Variants in ZACN observed in about 807,000 individuals in gnomAD.
ZACN encodes zinc activated ion channel.
In ZACN, 52 loss-of-function variants were observed where a neutral mutation model predicts 38.9. The observed-to-expected ratio is 1.34, with a 90% CI of 1.07 to 1.68. The LOEUF (loss-of-function observed/expected upper bound fraction) is 1.68, where lower values mean the gene tolerates loss of function less well. Among genes scored for constraint, ZACN ranks in the 40% most tolerant of loss-of-function variants. ZACN has a pLI of 0.00. For missense variants in ZACN, 559 were observed against 525.6 expected (o/e 1.06, Z -0.62); for synonymous variants, 235 against 227.4 (o/e 1.03, Z -0.30).
intron 5 of ZACN, 29 bp from the exon 6 acceptor site, chr17:76,081,249 G>C (rs1272758693): frequency 1.9e-6 from 3 of 1,611,968 alleles, no homozygotes; most frequent in African/African-American, 2.7e-5. Flanking sequence ...TCTCCTTCCT[G>C]GTTCATAGTT....
At chr17:76,080,844 T>A in intron 5 of ZACN, 1 of 471,768 alleles carries the variant, frequency 2.1e-6, no homozygotes. Context: ...GCCTCACTCC[T>A]GGAAACCACC....
chr17:76,081,034 A>C, intron 5 of ZACN: 1 of 482,068 alleles, frequency 2.1e-6, no homozygotes. Context: ...TGCAAAGTAC[A>C]TTTATTTTTA....
chr17:76,079,432 C>T lies in ZACN; in HGVS notation c.98-7C>T, dbSNP rs2066916657. 2 of 1,614,162 alleles carry T rather than the reference C, an allele frequency of 1.2e-6. No individual in the cohort carries two copies. Among genetic ancestry groups the T allele is most frequent in the Middle Eastern group, 3.3e-4 (2 of 6,062 alleles). On this transcript the variant is annotated splice_region_variant and splice_polypyrimidine_tract_variant and intron_variant, in intron 1 of 8. Coordinates refer to ENST00000334586, the MANE Select transcript of ZACN (RefSeq NM_180990.4). Reference sequence around the variant, plus strand: ...GCACCTGAGTGACCTTGACTTTTCTCTCTCAGTCTGGCCATCCCTCTTCAA... The same window carrying T: ...GCACCTGAGTGACCTTGACTTTTCTTTCTCAGTCTGGCCATCCCTCTTCAA...
intron 7 of ZACN, 34 bp from the exon 8 acceptor site, chr17:76,081,848 C>T: frequency 6.2e-7 from 1 of 1,608,632 alleles, no homozygotes; most frequent in Non-Finnish European, 8.5e-7. Context: ...AGGGACTGGC[C>T]CCTGAGCATC....
chr17:76,081,483 C>CATGCCCCCG, intron 6 of ZACN, 62 bp from the exon 7 acceptor site: 3 of 1,610,228 alleles, frequency 1.9e-6, no homozygotes, highest in African/African-American at 1.3e-5. Context: ...GGCCAGGCCC[C>CATGCCCCCG]ATGCCCCCGA....
At position 76,082,593 on chromosome 17, in the gene ZACN, G is replaced by T; in HGVS notation, c.1179G>T (p.Ala393=). Residue 393 remains alanine, a synonymous_variant, in exon 9 of 9, where the codon GCG becomes GCT. Coordinates refer to ENST00000334586, the MANE Select transcript of ZACN (RefSeq NM_180990.4). ...TTGCAGGAATCTGGATGTGGGCAGC[G>T]TGCAAGTCTGACGCAGCCCCTGGAG... The part of the protein sequence containing the change: ...FVFAGIWMWA[A]CKSDAAPGEA... The T allele has an allele frequency of 6.2e-7, 1 of 1,613,598 alleles. No homozygotes were observed. Among genetic ancestry groups the T allele is most frequent in the Non-Finnish European group, 8.5e-7 (1 of 1,179,928 alleles).
In ZACN at chr17:76,080,295, G is replaced by A. The variant is rs1199828530; in HGVS notation, c.415G>A (p.Val139Ile). Residue 139 changes from valine (V) to isoleucine (I), a missense_variant, in exon 5 of 9, where the codon GTA becomes ATA. Val to Ile is a conservative substitution (Grantham distance 29, BLOSUM62 3). Coordinates refer to ENST00000334586, the MANE Select transcript of ZACN (RefSeq NM_180990.4). ...DWRDQSPQAR[V>I]DQDGHVKLNL... ...GAGGGACCAGAGCCCCCAGGCTCGA[G>A]TAGACCAGGACGGCCACGTGAAGCT... The A allele has an allele frequency of 1.9e-6, 3 of 1,613,900 alleles. No homozygotes were observed. The African/African-American group carries it at 4.0e-5, about 22-fold the overall frequency.
rs142424750 is a variant in ZACN, at chr17:76,081,905, C to T, written c.904C>T (p.Leu302=). Residue 302 remains leucine (L), a synonymous_variant, in exon 8 of 9, where the codon CTG becomes TTG. Coordinates refer to ENST00000334586, the MANE Select transcript of ZACN (RefSeq NM_180990.4). ...LLIYYFTILL[L]LLFLSTIETV... The stretch of plus-strand genomic sequence containing the variant: ...AGTTTACTACTTCACCATCCTGCTG[C>T]TGCTGCTCTTCCTCAGCACCATAGA... The T allele has an allele frequency of 1.9e-6, 3 of 1,610,960 alleles. No individual in the cohort carries two copies. The highest frequency in any genetic ancestry group is 2.7e-5 in the African/African-American group (2 of 74,838).
intron 3 of ZACN, 35 bp from the exon 4 acceptor site, chr17:76,079,853 G>A (rs1432544079): frequency 1.3e-6 from 2 of 1,590,568 alleles, no homozygotes; most frequent in Admixed American, 1.8e-5. Context: ...GATATGTGGA[G>A]AGCAGGAGCC....
chr17:76,081,332 G>C lies in ZACN; in HGVS notation c.599G>C (p.Arg200Thr), dbSNP rs1224611030. 10 of 1,614,032 alleles carry C rather than the reference G, an allele frequency of 6.2e-6. No homozygotes were observed. The highest frequency in any genetic ancestry group is 1.3e-5 in the African/African-American group (1 of 74,928). ...GTGAACGAGATTGTGAGTGTCAAGA[G>C]GGAATACGTAGTTTATGATCTGAAG... ...HVVNEIVSVK[R>T]EYVVYDLKTQ... Residue 200 changes from arginine (R) to threonine (T), a missense_variant, in exon 6 of 9, where the codon AGG becomes ACG. By Grantham distance (71) the Arg-to-Thr change is moderately conservative. Transcript: ENST00000334586.
rs2066927903 is a variant in ZACN, at chr17:76,080,254, G to A, written c.375-1G>A. 6.2e-7 allele frequency: 1 copy of A among 1,611,352 alleles called. No individual in the cohort carries two copies. The highest frequency in any genetic ancestry group is 1.3e-5 in the African/African-American group (1 of 74,898). ...TCTGGCTGTGGTGCCTTTCCCCACA[G>A]GCTCTGGGTGGACTGGAGGGACCAG... On this transcript the variant is annotated splice_acceptor_variant, in intron 4 of 8. Transcript: ENST00000334586. LOFTEE classifies it high-confidence loss of function.
Position 76,079,283 on chromosome 17 carries a change from C to G in ZACN, c.19C>G (p.Leu7Val), listed in dbSNP as rs777969986. The change falls in exon 1 of 9, where the codon CTG (leucine) becomes GTG (valine). Residue 7 changes from leucine to valine, a missense_variant. Transcript: ENST00000334586. The part of the protein sequence containing the change: MMALWS[L>V]LHLTFLGFSI... ...GCAGCCGATGATGGCCCTATGGTCC[C>G]TGCTCCATCTCACCTTCCTGGGGTT... The G allele has an allele frequency of 6.2e-6, 10 of 1,613,876 alleles. No individual in the cohort carries two copies. In the Admixed American group the frequency reaches 6.7e-5, roughly 11 times the overall value.
intron 5 of ZACN, chr17:76,080,688 A>G: frequency 1.6e-6 from 1 of 614,862 alleles, no homozygotes; most frequent in Non-Finnish European, 3.0e-6. Context: ...CTAGGGTGAC[A>G]GACTCAAACA....
chr17:76,082,368 A>G (rs1293065076), intron 8 of ZACN, 95 bp from the exon 9 acceptor site: 1 of 1,295,288 alleles, frequency 7.7e-7, no homozygotes, highest in Non-Finnish European at 1.1e-6. Flanking sequence ...CTAAGAAAGG[A>G]AGCGATACAG....
rs1177811163 is a variant in ZACN, at chr17:76,080,003, G to C, written c.374+9G>C. 4.5e-6 allele frequency: 7 copies of C among 1,563,968 alleles called. No individual in the cohort carries two copies. Among genetic ancestry groups the C allele is most frequent in the African/African-American group, 1.4e-5 (1 of 73,390 alleles). ...CTCACCATCCTGGAGGCGTAAGTGA[G>C]ACAGTTCCTGCCCCAGGAATCTGCC... On this transcript the variant is annotated intron_variant, in intron 4 of 8. Transcript: ENST00000334586.
intron 2 of ZACN, 45 bp downstream of exon 2, chr17:76,079,608 G>A: frequency 1.8e-5 from 29 of 1,613,560 alleles, no homozygotes; most frequent in Non-Finnish European, 2.4e-5. Context: ...AGCTGGGCAG[G>A]GAACAGGACT....
At chr17:76,082,370 G>A in intron 8 of ZACN, 93 bp from the exon 9 acceptor site, 1 of 1,308,238 alleles carries the variant, frequency 7.6e-7, no homozygotes, top group Non-Finnish European at 1.0e-6. Flanking sequence ...AAGAAAGGAA[G>A]CGATACAGGC....
At chr17:76,080,759 C>T (rs2066941607) in intron 5 of ZACN, 1 of 499,390 alleles carries the variant, frequency 2.0e-6, no homozygotes, top group Non-Finnish European at 3.9e-6. Context: ...CTCCCCAGAG[C>T]AACTGCCCTC....
intron 5 of ZACN, chr17:76,081,035 T>C: frequency 2.1e-6 from 1 of 484,752 alleles, no homozygotes; most frequent in Non-Finnish European, 3.8e-6. Context: ...GCAAAGTACA[T>C]TTATTTTTAC....
Sources: gnomAD v4.1 joint callset for allele counts on GRCh38, gnomAD v4.1.1 for gene constraint, MANE v1.5 for transcripts, NCBI Gene and HGNC (gene_info 2026-07-23, HGNC 2026-07-21) for gene names.